EVI5: variants seen among roughly 807,000 people sequenced by gnomAD.
EVI5 encodes the protein ecotropic viral integration site 5 protein homolog.
EVI5 carries 73 observed loss-of-function variants against 112.0 expected under a neutral mutation model. The ratio of observed to expected loss-of-function variants is 0.65; its 90% CI spans 0.54 to 0.79. The LOEUF is 0.79. Ranked by LOEUF, EVI5 falls within the 30% of genes least tolerant of loss-of-function variation. The pLI is 0.00. For synonymous variants in EVI5, 305 were observed against 319.9 expected (o/e 0.95, Z 0.50); for missense variants, 900 against 968.8 (o/e 0.93, Z 0.94).
chr1:92,709,327 C>A (rs1363676752), intron 2 of EVI5, among the ~76,000 whole-genome samples: 1 of 152,114 alleles, frequency 6.6e-6, no homozygotes, highest in African/African-American at 2.4e-5. Context: ...CTACACATTT[C>A]TCTGCATATT....
intron 2 of EVI5, among the ~76,000 whole-genome samples, chr1:92,724,960 G>A (rs1675336777): frequency 1.3e-5 from 2 of 152,144 alleles, no homozygotes; most frequent in South Asian, 4.1e-4. Flanking sequence ...AACAGGTGGG[G>A]AAAATTGAGA....
At chr1:92,661,996 G>A (rs1037386140) in intron 13 of EVI5, among the ~76,000 whole-genome samples, 2 of 152,044 alleles carry the variant, frequency 1.3e-5, no homozygotes, top group African/African-American at 4.8e-5. Context: ...TCCTGATTAA[G>A]ATCGCCCTTG....
chr1:92,783,808 CAAAAAAAA>C (rs58484805), intron 1 of EVI5, among the ~76,000 whole-genome samples: 20 of 94,306 alleles, frequency 2.1e-4, no homozygotes, highest in African/African-American at 4.1e-4. Context: ...GACTCCCTGT[CAAAAAAAA>C]AAAAAAAAAA....
At chr1:92,594,487 A>G (rs1389664428) in intron 18 of EVI5, among the ~76,000 whole-genome samples, 1 of 151,026 alleles carries the variant, frequency 6.6e-6, no homozygotes, top group Non-Finnish European at 1.5e-5. Context: ...AGGCAATACC[A>G]TTCAGGACAT....
intron 9 of EVI5, among the ~76,000 whole-genome samples, chr1:92,681,602 C>T: frequency 6.6e-6 from 1 of 152,164 alleles, no homozygotes; most frequent in East Asian, 1.9e-4. Flanking sequence ...ACCTTCATTA[C>T]AGCAAAGAGT....
intron 1 of EVI5, chr1:92,756,111 G>A: frequency 3.3e-6 from 1 of 301,242 alleles, no homozygotes. Flanking sequence ...AAGATAGTGT[G>A]CCTAAGCTGG....
intron 1 of EVI5, among the ~76,000 whole-genome samples, chr1:92,777,960 G>A (rs2103081694): frequency 6.7e-6 from 1 of 149,670 alleles, no homozygotes; most frequent in Non-Finnish European, 1.5e-5. Flanking sequence ...CAGGCTGGAG[G>A]TGCAGTGGCG....
At position 92,740,623 on chromosome 1, in the gene EVI5, T is replaced by C. The variant is rs143693556; in HGVS notation, c.-81-3996A>G. 5.3e-5 allele frequency among the ~76,000 whole-genome samples: 8 copies of C among 152,322 alleles called. No individual in the cohort carries two copies. In the East Asian group the frequency reaches 1.3e-3, roughly 26 times the overall value. ...TTTTATTTTTTATTGGGCTCACTTT[T>C]ACTATGTCAGATATACATATGTGTG... On this transcript the variant is annotated intron_variant, in intron 1 of 19. Coordinates refer to ENST00000684568, the MANE Select transcript of EVI5 (RefSeq NM_001350197.2).
intron 19 of EVI5, among the ~76,000 whole-genome samples, chr1:92,546,988 C>G (rs902628138): frequency 6.6e-6 from 1 of 152,174 alleles, no homozygotes; most frequent in Admixed American, 6.5e-5. Flanking sequence ...CAGCTCTGCA[C>G]CAAGCGAACC....
chr1:92,745,362 T>G (rs1374439878), intron 1 of EVI5, among the ~76,000 whole-genome samples: 1 of 152,180 alleles, frequency 6.6e-6, no homozygotes, highest in Non-Finnish European at 1.5e-5. Flanking sequence ...TACTTCTTGT[T>G]TATATTAAAT....
intron 19 of EVI5, among the ~76,000 whole-genome samples, chr1:92,526,771 G>T (rs1371235105): frequency 6.6e-6 from 1 of 152,120 alleles, no homozygotes; most frequent in Non-Finnish European, 1.5e-5. Flanking sequence ...TGTAATGGTG[G>T]ATACATGTCA....
At chr1:92,619,441 C>A (rs1654005535) in intron 16 of EVI5, among the ~76,000 whole-genome samples, 1 of 121,116 alleles carries the variant, frequency 8.3e-6, no homozygotes, top group African/African-American at 2.9e-5. Flanking sequence ...TTGAAATAAA[C>A]TCCCATATAT....
chr1:92,618,093 G>T (rs1437697821), intron 16 of EVI5, among the ~76,000 whole-genome samples: 1 of 152,152 alleles, frequency 6.6e-6, no homozygotes, highest in East Asian at 1.9e-4. Context: ...ACAATACTTT[G>T]CAGGGCTGGG....
At chr1:92,652,566 A>G (rs1662316171) in intron 13 of EVI5, among the ~76,000 whole-genome samples, 1 of 152,220 alleles carries the variant, frequency 6.6e-6, no homozygotes, top group Non-Finnish European at 1.5e-5. Context: ...TAAAATCAGT[A>G]TGTTGAAGAG....
chr1:92,792,354 C>G, exon 1 of EVI5: 1 of 1,605,798 alleles, frequency 6.2e-7, no homozygotes, highest in Non-Finnish European at 8.5e-7. Context: ...CTGTTTCCCA[C>G]TAGGGTTTCT....
chr1:92,623,730 G>C (rs1181604897), intron 16 of EVI5, among the ~76,000 whole-genome samples: 1 of 152,168 alleles, frequency 6.6e-6, no homozygotes, highest in Middle Eastern at 3.2e-3. Flanking sequence ...AAACATTTTT[G>C]GTCATCGCAA....
At chr1:92,571,973 C>G (rs552524509) in intron 18 of EVI5, among the ~76,000 whole-genome samples, 281 of 152,258 alleles carry the variant, frequency 1.8e-3, no homozygotes, top group Middle Eastern at 6.8e-3. Flanking sequence ...ACCTTAAATA[C>G]ATACGTTTTG....
intron 19 of EVI5, among the ~76,000 whole-genome samples, chr1:92,531,691 C>G (rs1269068778): frequency 6.6e-6 from 1 of 152,162 alleles, no homozygotes; most frequent in Non-Finnish European, 1.5e-5. Context: ...ACAAACTAAG[C>G]TTCACAAGCG....
At chr1:92,771,334 G>A (rs1181876022) in intron 1 of EVI5, among the ~76,000 whole-genome samples, 1 of 151,952 alleles carries the variant, frequency 6.6e-6, no homozygotes, top group Non-Finnish European at 1.5e-5. Context: ...CACTCCCAGA[G>A]ATATCTCATA....
Sources: gnomAD v4.1 joint callset for allele counts (sites outside exome capture counted in the v4.1 genomes callset) on GRCh38, gnomAD v4.1.1 for gene constraint, MANE v1.5 for transcripts, NCBI Gene and HGNC (gene_info 2026-07-23, HGNC 2026-07-21) for gene names.